Variants in ANKRD30B observed in about 807,000 individuals in gnomAD.
ANKRD30B encodes ankyrin repeat domain-containing protein 30B.
ANKRD30B carries 144 observed loss-of-function variants against 202.2 expected under a neutral mutation model. The observed-to-expected ratio is 0.71, with a 90% CI of 0.62 to 0.82. The LOEUF is 0.82. Ranked by LOEUF, ANKRD30B falls within the 40% of genes least tolerant of loss-of-function variation. The probability of loss-of-function intolerance (pLI) is 0.00; values close to 1 mark genes in which losing one functional copy is unlikely to be tolerated. For synonymous variants in ANKRD30B, 508 were observed against 561.3 expected (o/e 0.91, Z 1.34); for missense variants, 1,487 against 1,669.1 (o/e 0.89, Z 1.90).
At position 14,810,142 on chromosome 18, in the gene ANKRD30B, A is replaced by G; in HGVS notation, c.2450A>G (p.Lys817Arg). ...TCVRKVSLPN[K>R]ALELKDRETL... ...GTAAGGAAAGTTTCTCTTCCAAATA[A>G]AGCCTTAGAATTAAAGGACAGAGAA... The change falls in exon 28 of 44, where the codon AAA becomes AGA. Residue 817 changes from lysine to arginine, a missense_variant. Around this residue, in one of 6 missense-constraint regions of ANKRD30B, gnomAD observed 218 missense variants for 320.1 expected, o/e 0.68. Coordinates refer to ENST00000690538, the MANE Select transcript of ANKRD30B (RefSeq NM_001367607.2). 1 of 1,482,384 alleles carries G rather than the reference A, an allele frequency of 6.7e-7. No homozygotes were observed. The highest frequency in any genetic ancestry group is 1.2e-5 in the South Asian group (1 of 82,620). The allele number at this position is 1,482,384 out of a possible 1,614,324, so 91.8% of individuals were successfully genotyped here. A position where few individuals can be genotyped will look rare whatever the true frequency, so the allele number is the denominator to read the frequency against.
At chr18:14,751,286 T>G (rs1370353385) in intron 1 of ANKRD30B, among the ~76,000 whole-genome samples, 3 of 152,086 alleles carry the variant, frequency 2.0e-5, no homozygotes, top group Non-Finnish European at 4.4e-5. Context: ...TTTAAGATAC[T>G]GTACTTCCCA....
chr18:14,884,082 CCTCA>C, the ANKRD30B span: 2 of 134,224 alleles, frequency 1.5e-5, no homozygotes, highest in East Asian at 4.3e-4. Context: ...ATAATACCCT[CCTCA>C]TGAGTGTAGG....
intron 4 of ANKRD30B, among the ~76,000 whole-genome samples, chr18:14,756,338 C>T (rs1429121133): frequency 6.6e-6 from 1 of 151,974 alleles, no homozygotes; most frequent in Non-Finnish European, 1.5e-5. Context: ...CAAAAATTTT[C>T]TCCCATTCTG....
chr18:14,783,286 A>G (rs1262269093), intron 12 of ANKRD30B, among the ~76,000 whole-genome samples: 1 of 152,164 alleles, frequency 6.6e-6, no homozygotes, highest in Admixed American at 6.5e-5. Context: ...ATCATTCAGC[A>G]CAATTGAGTT....
At chr18:14,799,927 A>C (rs566557838) in intron 22 of ANKRD30B, among the ~76,000 whole-genome samples, 1 of 152,076 alleles carries the variant, frequency 6.6e-6, no homozygotes, top group Non-Finnish European at 1.5e-5. Flanking sequence ...ATTCCCATGC[A>C]TGTTTAAATC....
chr18:14,835,960 A>G (rs1342230893), intron 34 of ANKRD30B, among the ~76,000 whole-genome samples: 1 of 151,928 alleles, frequency 6.6e-6, no homozygotes, highest in Non-Finnish European at 1.5e-5. Flanking sequence ...TCAGAAATAA[A>G]TATTTACCTA....
the ANKRD30B span, chr18:14,910,094 A>C: frequency 3.9e-5 from 6 of 152,220 alleles, no homozygotes; most frequent in African/African-American, 1.2e-4. Flanking sequence ...AAAATTTTTA[A>C]ATTTCATTTT....
At chr18:14,858,123 TG>T (rs1408494986), downstream of ANKRD30B, among the ~76,000 whole-genome samples, 10 of 100,152 alleles carry the variant, frequency 1.0e-4, 1 homozygote, top group African/African-American at 4.9e-4. Flanking sequence ...AATGGGCGGC[TG>T]GGGAGAGGTG....
the ANKRD30B span, among the ~76,000 whole-genome samples, chr18:14,878,856 G>A: frequency 1.3e-5 from 2 of 152,182 alleles, no homozygotes; most frequent in East Asian, 3.9e-4. Context: ...AAGGTGCTGT[G>A]CAGCAATGCC....
chr18:14,854,279 C>T lies in ANKRD30B; in HGVS notation c.*121C>T, dbSNP rs982959550. Among the ~76,000 whole-genome samples, 9 of 151,672 alleles carry T rather than the reference C, an allele frequency of 5.9e-5. No homozygotes were observed. The highest frequency in any genetic ancestry group is 1.7e-4 in the African/African-American group (7 of 41,344). ...GAAAAGGTAAAATGAAAAGAAATAACCAAAAATTTACTTCCCAAGATAGGA... is the reference window on the plus strand; with the variant it reads ...GAAAAGGTAAAATGAAAAGAAATAATCAAAAATTTACTTCCCAAGATAGGA... On this transcript the variant is annotated 3_prime_UTR_variant, in exon 44 of 44. Coordinates refer to ENST00000690538, the MANE Select transcript of ANKRD30B (RefSeq NM_001367607.2).
At chr18:14,837,794 T>C in intron 36 of ANKRD30B, 118 bp downstream of exon 36, 1 of 1,223,204 alleles carries the variant, frequency 8.2e-7, no homozygotes, top group Admixed American at 2.9e-5. Flanking sequence ...GGCGGGTGGA[T>C]CACGAGGTCA....
At position 14,810,022 on chromosome 18, in the gene ANKRD30B, C is replaced by T; in HGVS notation, c.2415+8C>T. ...AAAGATGGTCTTCTGAAGGTAATAA[C>T]TTTTATATTTTTATCTTGAATATTA... On this transcript the variant is annotated splice_region_variant and intron_variant, in intron 27 of 43. Coordinates refer to ENST00000690538, the MANE Select transcript of ANKRD30B (RefSeq NM_001367607.2). 4 of 1,436,454 alleles carry T rather than the reference C, an allele frequency of 2.8e-6. No homozygotes were observed. Among genetic ancestry groups the T allele is most frequent in the Non-Finnish European group, 3.9e-6 (4 of 1,029,610 alleles). 89.0% of individuals were successfully genotyped at this position (1,436,454 alleles called of 1,614,324 possible).
chr18:14,787,737 G>A (rs1366311473), intron 15 of ANKRD30B, among the ~76,000 whole-genome samples: 2 of 152,284 alleles, frequency 1.3e-5, no homozygotes, highest in East Asian at 1.9e-4. Context: ...AGCTGCAGCA[G>A]CATGAGCGTG....
At chr18:14,828,333 C>T (rs1417760169) in intron 33 of ANKRD30B, 25 bp downstream of exon 33, 28 of 1,491,962 alleles carry the variant, frequency 1.9e-5, no homozygotes, top group East Asian at 2.5e-5. Context: ...TTTTTTAAAA[C>T]GTATATGTTA....
intron 30 of ANKRD30B, among the ~76,000 whole-genome samples, chr18:14,817,403 TC>T (rs1358513471): frequency 1.3e-5 from 2 of 152,182 alleles, no homozygotes; most frequent in Non-Finnish European, 2.9e-5. Context: ...AAGGCAGTAT[TC>T]CCCTGCTTCC....
intron 1 of ANKRD30B, among the ~76,000 whole-genome samples, chr18:14,749,338 A>G (rs1181308598): frequency 1.3e-5 from 2 of 152,160 alleles, no homozygotes; most frequent in African/African-American, 4.8e-5. Flanking sequence ...AATGGAGTAG[A>G]AAAGTCTTGC....
intron 41 of ANKRD30B, among the ~76,000 whole-genome samples, chr18:14,850,829 G>A (rs4090322): frequency 0.026 from 3,987 of 151,750 alleles, 187 homozygotes; most frequent in African/African-American, 0.092. Context: ...TTATATTTAC[G>A]TATTTACCCA....
chr18:14,871,820 T>C, the ANKRD30B span, among the ~76,000 whole-genome samples: 1 of 151,828 alleles, frequency 6.6e-6, no homozygotes, highest in Admixed American at 6.6e-5. Flanking sequence ...AGCCTAGGAG[T>C]TGTCAATAGA....
At chr18:14,912,122 C>A in the ANKRD30B span, among the ~76,000 whole-genome samples, 4 of 152,076 alleles carry the variant, frequency 2.6e-5, no homozygotes, top group South Asian at 2.1e-4. Flanking sequence ...TTTATTTTGT[C>A]TTATTCCTCT....
Sources: gnomAD v4.1 joint callset for allele counts (sites outside exome capture counted in the v4.1 genomes callset) on GRCh38, gnomAD v4.1.1 for gene constraint, gnomAD v4.1.1 regional missense constraint, MANE v1.5 for transcripts, NCBI Gene and HGNC (gene_info 2026-07-23, HGNC 2026-07-21) for gene names.